Variants in CENPF observed in about 807,000 individuals in gnomAD.
The protein encoded by CENPF is AH antigen.
CENPF carries 214 observed loss-of-function variants against 307.3 expected under a neutral mutation model. The observed-to-expected ratio is 0.70, with a 90% CI of 0.62 to 0.78. CENPF has a LOEUF of 0.78. CENPF is among the 30% of genes least tolerant of loss of function. The probability of loss-of-function intolerance (pLI) is 0.00; values close to 1 mark genes in which losing one functional copy is unlikely to be tolerated. For synonymous variants in CENPF, 1,259 were observed against 1,270.6 expected, an observed-to-expected ratio of 0.99 and a Z score of 0.19; for missense variants, 3,401 against 3,483.9, an observed-to-expected ratio of 0.98 and a Z score of 0.60.
rs751726847 is a variant in CENPF at position 214,641,293 on chromosome 1, C to T, written c.2955C>T (p.Ser985=). ...GGACTCTTAAGGAAATTAATGCATCCTTAAATCAAGAGAAGATGAACTTAA... is the reference window on the plus strand; with the variant it reads ...GGACTCTTAAGGAAATTAATGCATCTTTAAATCAAGAGAAGATGAACTTAA... ...ENGTLKEINA[S]LNQEKMNLIQ... Residue 985 remains serine, a synonymous_variant, in exon 12 of 20, where the codon TCC becomes TCT. Coordinates refer to ENST00000366955, the MANE Select transcript of CENPF (RefSeq NM_016343.4). 6.2e-7 allele frequency: 1 copy of T among 1,607,820 alleles called. No individual in the cohort carries two copies. The highest frequency in any genetic ancestry group is 1.1e-5 in the South Asian group (1 of 89,162).
Position 214,645,552 on chromosome 1 carries a change from T to C in CENPF, c.5982T>C (p.His1994=). Residue 1994 remains histidine (H), a synonymous_variant, in exon 13 of 20, where the codon CAT becomes CAC. Transcript: ENST00000366955. ...AGAAAACACAAGAGCTTGAGTCTCA[T>C]CAAAGTGAGTGTCTCCATTGCATTC... ...MKEKTQELES[H]QSECLHCIQV... is the part of the protein sequence containing the mutation. The C allele has an allele frequency of 6.2e-7, 1 of 1,614,106 alleles. No homozygotes were observed. The highest frequency in any genetic ancestry group is 1.1e-5 in the South Asian group (1 of 91,074).
intron 3 of CENPF, among the ~76,000 whole-genome samples, chr1:214,618,057 C>T (rs1426821476): frequency 2.0e-5 from 3 of 152,130 alleles, no homozygotes; most frequent in Admixed American, 1.3e-4. Context: ...CACCCTTCTT[C>T]GCATGGTGGC....
Position 214,646,536 on chromosome 1 carries a change from A to G in CENPF, c.6966A>G (p.Gln2322=), listed in dbSNP as rs892226768. ...ADEKKQLCVL[Q]QLKESEHHAD... ...AAAAGAAGCAGCTCTGTGTCTTACA[A>G]CAACTGAAGGAAAGTGAGCATCATG... The change falls in exon 13 of 20, where the codon CAA becomes CAG. Residue 2322 remains glutamine (Q), a synonymous_variant. Coordinates refer to ENST00000366955, the MANE Select transcript of CENPF (RefSeq NM_016343.4). The G allele has an allele frequency of 1.2e-6, 2 of 1,614,172 alleles. No homozygotes were observed. The highest frequency in any genetic ancestry group is 1.7e-6 in the Non-Finnish European group (2 of 1,180,020).
rs147776688 is a variant in CENPF, at chr1:214,646,400, G to A, written c.6830G>A (p.Gly2277Asp). 7.4e-6 allele frequency: 12 copies of A among 1,614,066 alleles called. No individual in the cohort carries two copies. The highest frequency in any genetic ancestry group is 1.0e-5 in the Non-Finnish European group (12 of 1,179,996). ...AATGAGGCAGTAGCAGCCTTGTGTG[G>A]TGACCAAGAAATTATGAAGGCCACA... ...ELNEAVAALCGDQEIMKATEQ... is the reference protein window; with the variant it reads ...ELNEAVAALCDDQEIMKATEQ... The change falls in exon 13 of 20, where the codon GGT becomes GAT. Residue 2277 changes from glycine to aspartate, a missense_variant. By Grantham distance (94) the Gly-to-Asp change is moderately conservative. Transcript: ENST00000366955.
rs571947577 is a variant in CENPF at position 214,645,798 on chromosome 1, G to C, written c.6228G>C (p.Gln2076His). 331 of 1,614,210 alleles carry C rather than the reference G, an allele frequency of 2.1e-4. 3 individuals are homozygous for C. The South Asian group carries it at 3.4e-3, about 16-fold the overall frequency. Residue 2076 changes from glutamine (Q) to histidine (H), a missense_variant, in exon 13 of 20, where the codon CAG becomes CAC. Gln to His is a conservative substitution (Grantham distance 24, BLOSUM62 0). Coordinates refer to ENST00000366955, the MANE Select transcript of CENPF (RefSeq NM_016343.4). ...TTGTCAAGGAATCTGAAAGCCTGCA[G>C]GCCAGACTGAGTGAATCAGATTATG... is the stretch of plus-strand genomic sequence containing the variant. ...ELLVKESESL[Q>H]ARLSESDYEK...
chr1:214,608,911 G>C (rs1657118270), intron 1 of CENPF: 1 of 1,374,872 alleles, frequency 7.3e-7, no homozygotes, highest in African/African-American at 1.5e-5. Context: ...GGCCCGGCAG[G>C]GGAGGGGTGG....
At chr1:214,644,292 A>G (rs1658217085) in intron 12 of CENPF, among the ~76,000 whole-genome samples, 1 of 152,260 alleles carries the variant, frequency 6.6e-6, no homozygotes, top group African/African-American at 2.4e-5. Flanking sequence ...ATTTAAATAC[A>G]TTACAAATTG....
intron 11 of CENPF, among the ~76,000 whole-genome samples, chr1:214,638,939 G>A (rs78444256): frequency 0.11 from 16,599 of 152,268 alleles, 1,356 homozygotes; most frequent in African/African-American, 0.22. Flanking sequence ...GCATTTTTCA[G>A]TGTTGATCAC....
intron 17 of CENPF, among the ~76,000 whole-genome samples, chr1:214,656,368 G>T (rs999650926): frequency 1.3e-5 from 2 of 152,098 alleles, no homozygotes; most frequent in African/African-American, 4.8e-5. Flanking sequence ...TTTTCTAATG[G>T]ATTTAATACA....
At chr1:214,612,508 C>T (rs1258620100) in intron 1 of CENPF, among the ~76,000 whole-genome samples, 2 of 152,088 alleles carry the variant, frequency 1.3e-5, no homozygotes, top group Admixed American at 6.6e-5. Flanking sequence ...GGCGTCCCTC[C>T]TCCTTAATTT....
At chr1:214,620,490 A>T (rs1657474458) in intron 5 of CENPF, among the ~76,000 whole-genome samples, 165 bp from the exon 6 acceptor site, 1 of 152,224 alleles carries the variant, frequency 6.6e-6, no homozygotes, top group Admixed American at 6.5e-5. Flanking sequence ...ACATTCCATC[A>T]CTGGGTATTA....
At chr1:214,609,548 T>A (rs1657145132) in intron 1 of CENPF, among the ~76,000 whole-genome samples, 1 of 152,184 alleles carries the variant, frequency 6.6e-6, no homozygotes, top group South Asian at 2.1e-4. Context: ...TTATAGGACC[T>A]ATTTCACCTG....
chr1:214,641,174 CT>C lies in CENPF; in HGVS notation c.2840del (p.Leu947TyrfsTer5). 6.2e-7 allele frequency: 1 copy of C among 1,604,154 alleles called. No individual in the cohort carries two copies. The highest frequency in any genetic ancestry group is 8.5e-7 in the Non-Finnish European group (1 of 1,177,492). ...LLEDSLKELQ[L>X]LSETLSLEKK... is the part of the protein sequence containing the mutation. ...TGAAGACTCTCTAAAGGAGCTACAACTTTTATCCGAAACCCTAAGCTTGGAG... is the reference window on the plus strand; with the variant it reads ...TGAAGACTCTCTAAAGGAGCTACAACTTTATCCGAAACCCTAAGCTTGGAG... On this transcript the variant is annotated frameshift_variant, in exon 12 of 20. Coordinates refer to ENST00000366955, the MANE Select transcript of CENPF (RefSeq NM_016343.4). LOFTEE classifies it high-confidence loss of function.
At chr1:214,616,066 T>C (rs1451144702) in intron 3 of CENPF, among the ~76,000 whole-genome samples, 1 of 152,156 alleles carries the variant, frequency 6.6e-6, no homozygotes, top group East Asian at 1.9e-4. Context: ...CTCCAACAAG[T>C]GAGGTTGAAC....
chr1:214,621,220 C>T (rs111529648), intron 6 of CENPF, among the ~76,000 whole-genome samples: 3 of 152,266 alleles, frequency 2.0e-5, no homozygotes, highest in East Asian at 1.9e-4. Context: ...AGATGCAGGG[C>T]GAGTGGGTTG....
chr1:214,640,660 G>A lies in CENPF; in HGVS notation c.2322G>A (p.Leu774=), dbSNP rs1294708572. The change falls in exon 12 of 20, where the codon CTG becomes CTA. Residue 774 remains leucine (L), a synonymous_variant. Transcript: ENST00000366955. ...TGCTAAAATCCAAAGATGCTTCTCT[G>A]GTGACAAATGAAGATCATCAGAGAA... ...RDLLKSKDAS[L]VTNEDHQRSL... is the part of the protein sequence containing the mutation. 6.2e-7 allele frequency: 1 copy of A among 1,614,066 alleles called. No homozygotes were observed. Among genetic ancestry groups the A allele is most frequent in the Admixed American group, 1.7e-5 (1 of 59,998 alleles).
intron 19 of CENPF, among the ~76,000 whole-genome samples, chr1:214,663,337 T>G (rs1038364572): frequency 1.3e-5 from 2 of 152,116 alleles, no homozygotes; most frequent in African/African-American, 4.8e-5. Flanking sequence ...TAGGGATACA[T>G]AGGTAAATAG....
chr1:214,650,320 A>C (rs1403258676), intron 14 of CENPF, among the ~76,000 whole-genome samples: 1 of 149,690 alleles, frequency 6.7e-6, no homozygotes, highest in Non-Finnish European at 1.5e-5. Flanking sequence ...ATGGAAAATG[A>C]CATGCACAAA....
chr1:214,658,501 A>G (rs1420738496), intron 18 of CENPF, among the ~76,000 whole-genome samples: 1 of 150,390 alleles, frequency 6.6e-6, no homozygotes, highest in Non-Finnish European at 1.5e-5. Flanking sequence ...CCCCAACCCA[A>G]TTTTACAATA....
Sources: gnomAD v4.1 joint callset for allele counts (sites outside exome capture counted in the v4.1 genomes callset) on GRCh38, gnomAD v4.1.1 for gene constraint, MANE v1.5 for transcripts, NCBI Gene and HGNC (gene_info 2026-07-23, HGNC 2026-07-21) for gene names.